The following SLC24A2 variants were observed in gnomAD, a reference collection of about 807,000 sequenced individuals.
The protein encoded by SLC24A2 is solute carrier family 24 member 2, also known as sodium/potassium/calcium exchanger 2.
In SLC24A2, 36 loss-of-function variants were observed where a neutral mutation model predicts 62.0. That is an observed-to-expected ratio of 0.58 (90% CI 0.44 to 0.77). The LOEUF (loss-of-function observed/expected upper bound fraction) is 0.77. Ranked by LOEUF, SLC24A2 falls within the 30% of genes least tolerant of loss-of-function variation. The pLI is 0.00. For synonymous variants in SLC24A2, 358 were observed against 294.0 expected (o/e 1.22, Z -2.23); for missense variants, 846 against 817.9 (o/e 1.03, Z -0.42).
chr9:20,275,610 G>A, the SLC24A2 span, among the ~76,000 whole-genome samples: 4 of 152,172 alleles, frequency 2.6e-5, no homozygotes, highest in Admixed American at 1.3e-4. Context: ...CAAGTTTGTA[G>A]ACAATCTCAT....
At chr9:19,647,528 C>T (rs1818678248) in intron 2 of SLC24A2, among the ~76,000 whole-genome samples, 1 of 150,728 alleles carries the variant, frequency 6.6e-6, no homozygotes. Flanking sequence ...TTGCCCAGAA[C>T]ATGGCTACTG....
At chr9:19,957,585 A>C in the SLC24A2 span, 1 of 152,980 alleles carries the variant, frequency 6.5e-6, no homozygotes, top group African/African-American at 2.4e-5. Flanking sequence ...CTCCTGAAGC[A>C]GACTCCTGAG....
chr9:19,552,923 G>A (rs1834916100), intron 7 of SLC24A2, among the ~76,000 whole-genome samples: 1 of 152,170 alleles, frequency 6.6e-6, no homozygotes, highest in South Asian at 2.1e-4. Flanking sequence ...ATATTGAACA[G>A]CTTCCAAAGC....
At chr9:19,653,870 G>T (rs989300553) in intron 2 of SLC24A2, among the ~76,000 whole-genome samples, 2 of 152,266 alleles carry the variant, frequency 1.3e-5, no homozygotes, top group Admixed American at 6.5e-5. Context: ...CAGAGCCAAG[G>T]TGTTTTGTGA....
At chr9:19,972,265 T>C in the SLC24A2 span, among the ~76,000 whole-genome samples, 2 of 152,086 alleles carry the variant, frequency 1.3e-5, no homozygotes, top group East Asian at 3.9e-4. Flanking sequence ...AAAATCTTGA[T>C]GAGAAGGTAA....
At chr9:20,057,089 G>T in the SLC24A2 span, among the ~76,000 whole-genome samples, 515 of 152,258 alleles carry the variant, frequency 3.4e-3, 1 homozygote, top group African/African-American at 0.011. Flanking sequence ...TGAACCCCAA[G>T]TGGGTATATG....
chr9:19,633,240 G>A (rs1392499811), intron 2 of SLC24A2, among the ~76,000 whole-genome samples: 1 of 152,194 alleles, frequency 6.6e-6, no homozygotes, highest in East Asian at 1.9e-4. Context: ...TTGGGCTATT[G>A]TCACGAAAGC....
In SLC24A2 at chr9:19,711,754, G is replaced by A. The variant is rs577699840; in HGVS notation, c.930+74183C>T. On this transcript the variant is annotated intron_variant, in intron 2 of 10. Transcript: ENST00000341998. ...TTTAAAGTTGGAAAACAGAGTCACT[G>A]AGTAATACTCATACCTTAGAACAAA... Among the ~76,000 whole-genome samples, 4 of 152,294 alleles carry A rather than the reference G, an allele frequency of 2.6e-5. No homozygotes were observed. In the South Asian group the frequency reaches 8.3e-4, roughly 32 times the overall value.
At chr9:19,969,665 G>A in the SLC24A2 span, among the ~76,000 whole-genome samples, 4 of 152,184 alleles carry the variant, frequency 2.6e-5, no homozygotes, top group East Asian at 7.7e-4. Context: ...AAAGAACCAA[G>A]AAGCAAGGCG....
intron 2 of SLC24A2, among the ~76,000 whole-genome samples, chr9:19,782,970 A>C (rs1823058225): frequency 6.6e-6 from 1 of 152,164 alleles, no homozygotes; most frequent in Admixed American, 6.5e-5. Flanking sequence ...ACTTTTTAAA[A>C]AGGGTAGTAG....
chr9:20,149,742 A>T, the SLC24A2 span, among the ~76,000 whole-genome samples: 1 of 152,046 alleles, frequency 6.6e-6, no homozygotes, highest in African/African-American at 2.4e-5. Context: ...TAGCTAGCAG[A>T]CCATACAAAA....
At chr9:19,973,683 T>C in the SLC24A2 span, among the ~76,000 whole-genome samples, 1 of 152,188 alleles carries the variant, frequency 6.6e-6, no homozygotes, top group Non-Finnish European at 1.5e-5. Context: ...ATTACTTTCA[T>C]CAAATACAAA....
chr9:19,940,035 A>T, the SLC24A2 span, among the ~76,000 whole-genome samples: 1 of 152,228 alleles, frequency 6.6e-6, no homozygotes, highest in Non-Finnish European at 1.5e-5. Context: ...CTCACTTCTC[A>T]CGACACCCTT....
the SLC24A2 span, among the ~76,000 whole-genome samples, chr9:20,174,928 T>C: frequency 6.6e-6 from 1 of 151,558 alleles, no homozygotes; most frequent in African/African-American, 2.4e-5. Context: ...CAATTCACAA[T>C]TGCAAAAATG....
the SLC24A2 span, among the ~76,000 whole-genome samples, chr9:20,139,833 A>G: frequency 6.6e-6 from 1 of 152,190 alleles, no homozygotes; most frequent in South Asian, 2.1e-4. Flanking sequence ...ATTAAAAAGC[A>G]CTGATGCTTC....
the SLC24A2 span, among the ~76,000 whole-genome samples, chr9:20,196,200 A>G: frequency 6.6e-6 from 1 of 152,194 alleles, no homozygotes; most frequent in Non-Finnish European, 1.5e-5. Context: ...AAATCAATGT[A>G]ATCTTTGAAT....
chr9:20,272,578 A>G, the SLC24A2 span, among the ~76,000 whole-genome samples: 1 of 152,242 alleles, frequency 6.6e-6, no homozygotes, highest in Admixed American at 6.5e-5. Context: ...AGCAAGTTGG[A>G]AAACTGAGAA....
chr9:19,946,242 T>C, the SLC24A2 span, among the ~76,000 whole-genome samples: 246 of 152,300 alleles, frequency 1.6e-3, 1 homozygote, highest in South Asian at 0.012. Context: ...GGAGCCCTAA[T>C]TAATGAGTCT....
At chr9:19,527,314 C>A (rs1563933551) in intron 9 of SLC24A2, among the ~76,000 whole-genome samples, 1 of 152,138 alleles carries the variant, frequency 6.6e-6, no homozygotes, top group South Asian at 2.1e-4. Context: ...TTTGGGTAAT[C>A]TTACCAACTT....
Sources: gnomAD v4.1 joint callset for allele counts (sites outside exome capture counted in the v4.1 genomes callset) on GRCh38, gnomAD v4.1.1 for gene constraint, MANE v1.5 for transcripts, NCBI Gene and HGNC (gene_info 2026-07-23, HGNC 2026-07-21) for gene names.